Variants in CLEC16A observed in about 807,000 individuals in gnomAD.
CLEC16A encodes C-type lectin domain containing 16A.
Under a neutral mutation model 109.5 loss-of-function variants are expected in CLEC16A, and 51 were observed. The observed-to-expected ratio is 0.47, with a 90% CI of 0.37 to 0.59. The LOEUF is 0.59. CLEC16A is among the 20% of genes least tolerant of loss of function. The pLI is 0.00. For synonymous variants in CLEC16A, 673 were observed against 564.2 expected (o/e 1.19, Z -2.73); for missense variants, 1,339 against 1,394.0 (o/e 0.96, Z 0.63).
In CLEC16A at chr16:11,157,071, C is replaced by T. The variant is rs1450158919; in HGVS notation, c.2642-9317C>T. ...ATACTGAAAGACCATTTTTTCTTTT[C>T]TGCAGGTTTTCAAGGATAGTGTTTA... On this transcript the variant is annotated intron_variant, in intron 22 of 23. Transcript: ENST00000409790. The T allele has an allele frequency of 1.4e-5, 18 of 1,301,878 alleles. No homozygotes were observed. The African/African-American group carries it at 2.1e-4, about 15-fold the overall frequency. The allele number at this position is 1,301,878 out of a possible 1,614,324, so 80.6% of individuals were successfully genotyped here. A position where few individuals can be genotyped will look rare whatever the true frequency, so the allele number is the denominator to read the frequency against.
intron 19 of CLEC16A, among the ~76,000 whole-genome samples, chr16:11,093,147 C>T (rs913819780): frequency 6.6e-6 from 1 of 152,226 alleles, no homozygotes; most frequent in Admixed American, 6.5e-5. Context: ...GCTTTTGGGG[C>T]ATCACATGGT....
At chr16:11,175,326 C>G (rs904251178) in intron 23 of CLEC16A, among the ~76,000 whole-genome samples, 1 of 152,172 alleles carries the variant, frequency 6.6e-6, no homozygotes, top group Non-Finnish European at 1.5e-5. Flanking sequence ...GTCCCATTAC[C>G]CCCTCGGCTC....
chr16:11,084,815 G>A (rs867932602), intron 19 of CLEC16A, among the ~76,000 whole-genome samples: 6 of 152,206 alleles, frequency 3.9e-5, no homozygotes, highest in Non-Finnish European at 8.8e-5. Flanking sequence ...CTTGTTCAGC[G>A]CCTCTCGAAG....
intron 13 of CLEC16A, among the ~76,000 whole-genome samples, chr16:11,025,235 G>A (rs1241394466): frequency 1.3e-5 from 2 of 152,146 alleles, no homozygotes; most frequent in African/African-American, 4.8e-5. Flanking sequence ...AACTGACTTA[G>A]CGTCTGACCT....
In CLEC16A at chr16:11,178,569, ACCCCCACAG is replaced by A. The variant is rs746020697; in HGVS notation, c.3044_3052del (p.Pro1015_Ser1017del). On this transcript the variant is annotated inframe_deletion, in exon 24 of 24. Transcript: ENST00000409790. This position sits in a 1 kb window ranked among gnomAD's most constrained non-coding sequence, Gnocchi z 6.5. ...TCGCTGACCCTTGTCCCCCCAGTTG[ACCCCCACAG>A]CCTCCGCAGCCTCACCGGCATGCCC... is the stretch of plus-strand genomic sequence containing the variant. The A allele has an allele frequency of 1.2e-6, 2 of 1,610,586 alleles. No homozygotes were observed. The highest frequency in any genetic ancestry group is 2.2e-5 in the East Asian group (1 of 44,834).
chr16:10,989,341 C>T (rs1030017427), intron 10 of CLEC16A, among the ~76,000 whole-genome samples: 1 of 152,158 alleles, frequency 6.6e-6, no homozygotes, highest in Non-Finnish European at 1.5e-5. Flanking sequence ...CCACCTCAGC[C>T]TCCTGAGTAG....
intron 13 of CLEC16A, among the ~76,000 whole-genome samples, chr16:11,039,271 T>C (rs905113439): frequency 1.3e-5 from 2 of 152,182 alleles, no homozygotes; most frequent in Non-Finnish European, 2.9e-5. Context: ...TGGGCCACCA[T>C]GAGTAGGCAG....
chr16:11,082,619 C>A (rs747991649), intron 19 of CLEC16A, among the ~76,000 whole-genome samples: 2 of 152,110 alleles, frequency 1.3e-5, no homozygotes, highest in Non-Finnish European at 2.9e-5. Flanking sequence ...TTTATGGAGG[C>A]CCTGCTGCAT....
At chr16:10,985,954 C>T (rs2043621286) in intron 10 of CLEC16A, among the ~76,000 whole-genome samples, 1 of 149,532 alleles carries the variant, frequency 6.7e-6, no homozygotes, top group Non-Finnish European at 1.5e-5. Context: ...GATCTGCCTG[C>T]CTTGGCCTCC....
intron 20 of CLEC16A, 114 bp from the exon 21 acceptor site, chr16:11,123,627 CA>C (rs1473118469): frequency 1.3e-5 from 13 of 1,010,896 alleles, no homozygotes; most frequent in Non-Finnish European, 1.8e-5. Context: ...GATCTTAGAT[CA>C]AAAGCAGAGA....
Position 11,120,735 on chromosome 16 carries a change from G to A in CLEC16A, c.2237G>A (p.Trp746Ter). The change falls in exon 20 of 24, where the codon TGG (tryptophan) becomes TAG (stop). Residue 746 changes from tryptophan (W) to a stop codon, truncating the protein, a stop_gained. Transcript: ENST00000409790. LOFTEE classifies it high-confidence loss of function. ...LVEPDVSRLG[W>*]GVVKFAGLLQ... is the part of the protein sequence containing the mutation. Reference sequence around the variant, plus strand: ...GAGCCTGATGTGTCCAGGCTTGGCTGGGGAGTGGTCAAGTTTGCAGGCCTA... The same window carrying A: ...GAGCCTGATGTGTCCAGGCTTGGCTAGGGAGTGGTCAAGTTTGCAGGCCTA... 3 of 1,582,446 alleles carry A rather than the reference G, an allele frequency of 1.9e-6. No individual in the cohort carries two copies. Among genetic ancestry groups the A allele is most frequent in the Non-Finnish European group, 2.6e-6 (3 of 1,163,336 alleles).
At chr16:11,117,767 G>T (rs2052107874) in intron 19 of CLEC16A, among the ~76,000 whole-genome samples, 1 of 152,076 alleles carries the variant, frequency 6.6e-6, no homozygotes, top group African/African-American at 2.4e-5. Flanking sequence ...TTTGCATCTG[G>T]TGGGAAAAAA....
At chr16:10,997,885 T>G (rs1389041097) in intron 10 of CLEC16A, among the ~76,000 whole-genome samples, 1 of 152,246 alleles carries the variant, frequency 6.6e-6, no homozygotes, top group Non-Finnish European at 1.5e-5. Context: ...AATTGTTGAT[T>G]GATTGCAACT....
chr16:11,107,563 C>T (rs1321409367), intron 19 of CLEC16A, among the ~76,000 whole-genome samples: 1 of 152,130 alleles, frequency 6.6e-6, no homozygotes, highest in African/African-American at 2.4e-5. Context: ...CAGTCTCAGC[C>T]CTTCTTTTGT....
intron 10 of CLEC16A, among the ~76,000 whole-genome samples, chr16:10,993,184 C>A (rs1302131740): frequency 1.3e-5 from 2 of 151,932 alleles, no homozygotes; most frequent in African/African-American, 4.8e-5. Context: ...TTGAGGCCAG[C>A]CTAGACAACA....
intron 18 of CLEC16A, among the ~76,000 whole-genome samples, chr16:11,055,116 G>A (rs544457353): frequency 3.3e-5 from 5 of 152,122 alleles, no homozygotes; most frequent in Non-Finnish European, 7.4e-5. Context: ...GCCAAATACT[G>A]TGTTAGCCTT....
At chr16:11,127,081 A>C (rs1805295490) in intron 22 of CLEC16A, among the ~76,000 whole-genome samples, 1 of 152,222 alleles carries the variant, frequency 6.6e-6, no homozygotes, top group Non-Finnish European at 1.5e-5. Context: ...GGAGATGATC[A>C]AATGAAAAAT....
At chr16:11,153,795 AAAT>A (rs1302703010) in intron 22 of CLEC16A, among the ~76,000 whole-genome samples, 3 of 152,190 alleles carry the variant, frequency 2.0e-5, no homozygotes, top group Admixed American at 6.5e-5. Flanking sequence ...AATACTAAAA[AAAT>A]AAGTCAAAAC....
chr16:11,110,593 G>A (rs1281424859), intron 19 of CLEC16A, among the ~76,000 whole-genome samples: 2 of 152,232 alleles, frequency 1.3e-5, no homozygotes, highest in Admixed American at 1.3e-4. Context: ...CAACGAGAGA[G>A]TCATGGCTCC....
Sources: gnomAD v4.1 joint callset for allele counts (sites outside exome capture counted in the v4.1 genomes callset) on GRCh38, gnomAD v4.1.1 for gene constraint, Gnocchi (gnomAD v3.1) non-coding constraint, MANE v1.5 for transcripts, NCBI Gene and HGNC (gene_info 2026-07-23, HGNC 2026-07-21) for gene names.